The following DIPK1A variants were observed in gnomAD, a reference collection of about 807,000 sequenced individuals.
The protein encoded by DIPK1A is family with sequence similarity 69 member A.
Under a neutral mutation model 40.8 loss-of-function variants are expected in DIPK1A, and 27 were observed. The ratio of observed to expected loss-of-function variants is 0.66; its 90% confidence interval spans 0.49 to 0.91. The LOEUF (loss-of-function observed/expected upper bound fraction) is 0.91, where lower values mean the gene tolerates loss of function less well. Among genes scored for constraint, DIPK1A ranks in the 40% least tolerant of loss-of-function variants. The pLI, the probability that DIPK1A is intolerant of heterozygous loss-of-function variation, is 0.00. For synonymous variants in DIPK1A, 166 were observed against 171.3 expected, an observed-to-expected ratio of 0.97 and a Z score of 0.24; for missense variants, 412 against 505.7, an observed-to-expected ratio of 0.81 and a Z score of 1.78.
chr1:92,843,418 A>G lies in DIPK1A; in HGVS notation c.1252T>C (p.Leu418=), dbSNP rs756454205. The G allele has an allele frequency of 1.2e-5, 19 of 1,548,078 alleles. No homozygotes were observed. In the Admixed American group the frequency reaches 3.0e-4, roughly 24 times the overall value. The change falls in exon 5 of 5, where the codon TTG becomes CTG. Residue 418 remains leucine, a synonymous_variant. Transcript: ENST00000370310. ...SLILNNLKTL[L]WKKISYTNDS ...TTAGTGTAGGAAATTTTCTTCCACA[A>G]TAATGTTTTTAGGTTATTTAGTATC... is the stretch of plus-strand genomic sequence containing the variant.
intron 1 of DIPK1A, among the ~76,000 whole-genome samples, chr1:92,944,694 G>A (rs1651295246): frequency 6.6e-6 from 1 of 152,170 alleles, no homozygotes; most frequent in South Asian, 2.1e-4. Flanking sequence ...GTGCAGTGGT[G>A]CGATCTTGGC....
At chr1:92,860,644 A>T (rs372969903) in intron 2 of DIPK1A, among the ~76,000 whole-genome samples, 123 of 7,918 alleles carry the variant, frequency 0.016, 8 homozygotes, top group South Asian at 0.12. Context: ...AAAAAAAAAA[A>T]AATGGTGGTG....
intron 2 of DIPK1A, among the ~76,000 whole-genome samples, chr1:92,866,391 C>T (rs1352854066): frequency 5.3e-5 from 8 of 152,160 alleles, no homozygotes; most frequent in African/African-American, 1.2e-4. Flanking sequence ...CATGAGCCAC[C>T]GCACCTGGCC....
chr1:92,923,948 T>A (rs1354942587), intron 1 of DIPK1A, among the ~76,000 whole-genome samples: 1 of 152,230 alleles, frequency 6.6e-6, no homozygotes, highest in Non-Finnish European at 1.5e-5. Context: ...CTCTTTTCGT[T>A]ATTAGTCCAT....
intron 4 of DIPK1A, chr1:92,845,633 A>G (rs1413204321): frequency 1.3e-5 from 3 of 227,726 alleles, no homozygotes; most frequent in Non-Finnish European, 2.6e-5. Flanking sequence ...TGAGGTCAGG[A>G]GTTCGAGACC....
intron 1 of DIPK1A, among the ~76,000 whole-genome samples, chr1:92,955,793 C>T (rs969146657): frequency 1.3e-5 from 2 of 151,638 alleles, no homozygotes; most frequent in Non-Finnish European, 2.9e-5. Flanking sequence ...ATAATTCCAG[C>T]ACTTTGGGAG....
intron 1 of DIPK1A, among the ~76,000 whole-genome samples, chr1:92,929,678 T>C (rs1263635796): frequency 1.3e-5 from 2 of 152,240 alleles, no homozygotes; most frequent in African/African-American, 4.8e-5. Flanking sequence ...TAAATACATA[T>C]ATGTAATTGT....
intron 1 of DIPK1A, among the ~76,000 whole-genome samples, chr1:92,881,704 C>T (rs1246433980): frequency 6.6e-6 from 1 of 152,052 alleles, no homozygotes; most frequent in Non-Finnish European, 1.5e-5. Flanking sequence ...AAAAAAAATT[C>T]GCTTTCAAAA....
At position 92,843,270 on chromosome 1, in the gene DIPK1A, G is replaced by C. The variant is rs762574479; in HGVS notation, c.*113C>G. ...ACATACTGATGGCTTCTCAGGCCTG[G>C]GGGGAAGGAGTTTTGTGTAACTGGC... On this transcript the variant is annotated 3_prime_UTR_variant, in exon 5 of 5. Transcript: ENST00000370310. The C allele has an allele frequency of 2.8e-6, 4 of 1,451,032 alleles. No individual in the cohort carries two copies. The highest frequency in any genetic ancestry group is 2.9e-5 in the Admixed American group (1 of 34,480). The allele number at this position is 1,451,032 out of a possible 1,614,324, so 89.9% of individuals were successfully genotyped here. A position where few individuals can be genotyped will look rare whatever the true frequency, so the allele number is the denominator to read the frequency against.
chr1:92,929,234 T>C (rs981041213), intron 1 of DIPK1A, among the ~76,000 whole-genome samples: 1 of 152,248 alleles, frequency 6.6e-6, no homozygotes. Context: ...TATGTTGTCA[T>C]GACTCTAGAT....
At chr1:92,918,086 T>C (rs1650123783) in intron 1 of DIPK1A, among the ~76,000 whole-genome samples, 1 of 152,026 alleles carries the variant, frequency 6.6e-6, no homozygotes, top group Admixed American at 6.6e-5. Flanking sequence ...TAAAGAAAAA[T>C]ACATTTGTTT....
At chr1:92,871,209 AG>A (rs1250071326) in intron 2 of DIPK1A, among the ~76,000 whole-genome samples, 2 of 152,028 alleles carry the variant, frequency 1.3e-5, no homozygotes, top group African/African-American at 4.8e-5. Context: ...CTTGTTGACC[AG>A]GCTGGAGTAC....
intron 1 of DIPK1A, among the ~76,000 whole-genome samples, chr1:92,922,034 T>C (rs1362791294): frequency 6.6e-6 from 1 of 152,214 alleles, no homozygotes; most frequent in Non-Finnish European, 1.5e-5. Flanking sequence ...AAAAGGTTAG[T>C]ATTTTAAATG....
At chr1:92,853,512 G>A (rs1311354996) in intron 2 of DIPK1A, among the ~76,000 whole-genome samples, 3 of 152,172 alleles carry the variant, frequency 2.0e-5, no homozygotes, top group South Asian at 2.1e-4. Context: ...CAATGCCAGC[G>A]GAGGCTTTGG....
intron 1 of DIPK1A, among the ~76,000 whole-genome samples, chr1:92,883,524 T>A (rs1648474466): frequency 6.6e-6 from 1 of 152,220 alleles, no homozygotes; most frequent in Admixed American, 6.5e-5. Flanking sequence ...GCATTTGTGA[T>A]CAAGACTGGA....
At chr1:92,932,072 ACT>A (rs766637235) in intron 1 of DIPK1A, 55 of 471,922 alleles carry the variant, frequency 1.2e-4, no homozygotes, top group Non-Finnish European at 2.0e-4. Flanking sequence ...ATTCCAGAAG[ACT>A]CTGACTACAT....
At chr1:92,867,353 C>T (rs1647598079) in intron 2 of DIPK1A, among the ~76,000 whole-genome samples, 1 of 151,862 alleles carries the variant, frequency 6.6e-6, no homozygotes, top group African/African-American at 2.4e-5. Flanking sequence ...TGCGCCTGGC[C>T]CTTTTACTCC....
At chr1:92,938,534 C>T (rs1467593936) in intron 1 of DIPK1A, among the ~76,000 whole-genome samples, 2 of 145,660 alleles carry the variant, frequency 1.4e-5, no homozygotes, top group East Asian at 4.0e-4. Context: ...CAAAGACAGA[C>T]AATTAATCTG....
rs1647668963 is a variant in DIPK1A at position 92,868,421 on chromosome 1, G to A, written c.189+7875C>T. ...AGGTTCCTCAAGCTCCCTTCTTTGG[G>A]CATTTGCATTCACTGTCCTTTCTCT... On this transcript the variant is annotated intron_variant, in intron 2 of 4. Coordinates refer to ENST00000370310, the MANE Select transcript of DIPK1A (RefSeq NM_001006605.5). Among the ~76,000 whole-genome samples, 5 of 152,226 alleles carry A rather than the reference G, an allele frequency of 3.3e-5. No individual in the cohort carries two copies. The South Asian group carries it at 1.0e-3, about 32-fold the overall frequency.
Sources: gnomAD v4.1 joint callset for allele counts (sites outside exome capture counted in the v4.1 genomes callset) on GRCh38, gnomAD v4.1.1 for gene constraint, MANE v1.5 for transcripts, NCBI Gene and HGNC (gene_info 2026-07-23, HGNC 2026-07-21) for gene names.